The following UGT2B7 variants were observed in gnomAD, a reference collection of about 807,000 sequenced individuals.
UGT2B7 encodes the protein UDP-glucuronosyltransferase 2B7.
UGT2B7 carries 51 observed loss-of-function variants against 51.9 expected under a neutral mutation model. The observed-to-expected ratio is 0.98, with a 90% CI of 0.78 to 1.24. The LOEUF (loss-of-function observed/expected upper bound fraction) is 1.24. UGT2B7 is among the 50% of genes most tolerant of loss of function. The pLI, the probability that UGT2B7 is intolerant of heterozygous loss-of-function variation, is 0.00. For synonymous variants in UGT2B7, 225 were observed against 211.6 expected (o/e 1.06, Z -0.55); for missense variants, 727 against 628.4 (o/e 1.16, Z -1.68).
intron 1 of UGT2B7, among the ~76,000 whole-genome samples, chr4:69,087,094 G>T (rs1243377307): frequency 6.7e-6 from 1 of 148,436 alleles, no homozygotes; most frequent in Non-Finnish European, 1.5e-5. Flanking sequence ...CTCTCTCTGT[G>T]TCTTCCTTTC....
chr4:69,093,345 T>C (rs142479083), upstream of UGT2B7, among the ~76,000 whole-genome samples: 527 of 152,318 alleles, frequency 3.5e-3, 1 homozygote, highest in Admixed American at 7.9e-3. Flanking sequence ...ACAGCAAAGA[T>C]GGTGGCCCAC....
At chr4:69,063,853 C>T (rs1718411938) in intron 1 of UGT2B7, among the ~76,000 whole-genome samples, 1 of 151,916 alleles carries the variant, frequency 6.6e-6, no homozygotes, top group Non-Finnish European at 1.5e-5. Flanking sequence ...TCCAATCAAT[C>T]ACAGAATCCA....
upstream of UGT2B7, among the ~76,000 whole-genome samples, chr4:69,096,253 G>A (rs1229035759): frequency 6.6e-6 from 1 of 152,050 alleles, no homozygotes; most frequent in Non-Finnish European, 1.5e-5. Context: ...AAGACAGATG[G>A]CATGTCCATA....
intron 1 of UGT2B7, among the ~76,000 whole-genome samples, chr4:69,089,196 T>C (rs1321690029): frequency 6.6e-6 from 1 of 152,172 alleles, no homozygotes; most frequent in Non-Finnish European, 1.5e-5. Flanking sequence ...GATTTTAGAA[T>C]TAGCTATCTA....
intron 1 of UGT2B7, among the ~76,000 whole-genome samples, chr4:69,079,153 A>T (rs1322689635): frequency 6.6e-6 from 1 of 152,156 alleles, no homozygotes; most frequent in Non-Finnish European, 1.5e-5. Flanking sequence ...CCATCTGGCT[A>T]ACAGCAGCAG....
chr4:69,082,396 T>A (rs201540198), intron 1 of UGT2B7, among the ~76,000 whole-genome samples: 1 of 149,012 alleles, frequency 6.7e-6, no homozygotes. Context: ...AGTTGTGAAT[T>A]AAAAAAAAAA....
At chr4:69,098,505 G>A in intron 1 of UGT2B7, 35 bp from the exon 2 acceptor site, 1 of 1,560,904 alleles carries the variant, frequency 6.4e-7, no homozygotes, top group Non-Finnish European at 8.6e-7. Flanking sequence ...TAATTATCTT[G>A]TGTCATCCAC....
chr4:69,063,023 AC>A (rs1196519012), intron 1 of UGT2B7, among the ~76,000 whole-genome samples: 1 of 152,164 alleles, frequency 6.6e-6, no homozygotes, highest in Non-Finnish European at 1.5e-5. Flanking sequence ...CACTGCATGC[AC>A]ACTACATGGA....
At chr4:69,112,142 A>C (rs191914971) in intron 5 of UGT2B7, among the ~76,000 whole-genome samples, 21 of 152,316 alleles carry the variant, frequency 1.4e-4, no homozygotes, top group African/African-American at 5.1e-4. Flanking sequence ...TTATCTATAG[A>C]TTCCAGACAT....
intron 3 of UGT2B7, 51 bp from the exon 4 acceptor site, chr4:69,107,124 A>G (rs1577926872): frequency 1.9e-6 from 3 of 1,563,020 alleles, no homozygotes; most frequent in Non-Finnish European, 2.6e-6. Flanking sequence ...CTCACATTCT[A>G]TAACTTTTGA....
At chr4:69,101,581 G>A (rs1421264014) in intron 2 of UGT2B7, among the ~76,000 whole-genome samples, 2 of 151,978 alleles carry the variant, frequency 1.3e-5, no homozygotes, top group Non-Finnish European at 2.9e-5. Flanking sequence ...GCAATACCTA[G>A]ATGCCCCAAG....
chr4:69,084,046 T>C (rs1718894323), intron 1 of UGT2B7, among the ~76,000 whole-genome samples: 2 of 152,082 alleles, frequency 1.3e-5, no homozygotes, highest in Non-Finnish European at 2.9e-5. Flanking sequence ...GTTTGAAGTG[T>C]TTTTAGTATA....
intron 5 of UGT2B7, among the ~76,000 whole-genome samples, chr4:69,112,241 T>C (rs748154534): frequency 6.6e-6 from 1 of 152,172 alleles, no homozygotes; most frequent in South Asian, 2.1e-4. Flanking sequence ...TACCCACTGC[T>C]TGCTCAATCG....
At chr4:69,097,965 C>T (rs1265479055) in intron 1 of UGT2B7, among the ~76,000 whole-genome samples, 1 of 151,866 alleles carries the variant, frequency 6.6e-6, no homozygotes, top group Non-Finnish European at 1.5e-5. Flanking sequence ...AAATTTCTAG[C>T]TATAATGTAC....
At chr4:69,081,265 T>C (rs1046042696) in intron 1 of UGT2B7, among the ~76,000 whole-genome samples, 5 of 152,134 alleles carry the variant, frequency 3.3e-5, no homozygotes, top group Non-Finnish European at 7.4e-5. Flanking sequence ...TAGTCAGTAA[T>C]CACAAATTCA....
intron 1 of UGT2B7, among the ~76,000 whole-genome samples, chr4:69,083,441 T>C (rs1471031772): frequency 6.6e-6 from 1 of 151,994 alleles, no homozygotes. Flanking sequence ...TTCTGATTCA[T>C]AGGAGCAGGT....
At position 69,112,793 on chromosome 4, in the gene UGT2B7, C is replaced by G. The variant is rs1378495075; in HGVS notation, c.*57C>G. Reference sequence around the variant, plus strand: ...ATAGGTGAGACTACTTCAGTTTATTCCAGCAAGAAAGATTGTGATGCAAGA... The same window carrying G: ...ATAGGTGAGACTACTTCAGTTTATTGCAGCAAGAAAGATTGTGATGCAAGA... On this transcript the variant is annotated 3_prime_UTR_variant, in exon 6 of 6. Transcript: ENST00000305231. 4 of 1,526,930 alleles carry G rather than the reference C, an allele frequency of 2.6e-6. No homozygotes were observed. The African/African-American group carries it at 4.3e-5, about 16-fold the overall frequency. 94.6% of individuals were successfully genotyped at this position (1,526,930 alleles called of 1,614,324 possible).
intron 1 of UGT2B7, among the ~76,000 whole-genome samples, chr4:69,074,427 A>ATATATATATATATATATATATATATAT (rs1718660162): frequency 8.6e-6 from 1 of 116,068 alleles, no homozygotes; most frequent in African/African-American, 3.3e-5. Context: ...CCTTATCTTA[A>ATATATATATATATATATATATATATAT]ATATATATAT....
intron 1 of UGT2B7, among the ~76,000 whole-genome samples, chr4:69,075,510 G>C (rs567765323): frequency 1.3e-5 from 2 of 152,144 alleles, no homozygotes; most frequent in East Asian, 3.9e-4. Context: ...GCAAAGAGGA[G>C]ACTAAAGTCA....
Sources: allele counts gnomAD v4.1 joint callset (sites outside exome capture counted in the v4.1 genomes callset), GRCh38; gene constraint gnomAD v4.1.1; transcripts MANE v1.5; gene names NCBI Gene and HGNC (gene_info 2026-07-23, HGNC 2026-07-21).